UBE2E3: variants seen among roughly 807,000 people sequenced by gnomAD.
UBE2E3 encodes the protein ubiquitin conjugating enzyme E2 E3.
In UBE2E3, 5 loss-of-function variants were observed where a neutral mutation model predicts 23.6. That is an observed-to-expected ratio of 0.21 (90% CI 0.11 to 0.44). The LOEUF is 0.44. UBE2E3 is among the 20% of genes least tolerant of loss of function. The pLI, the probability that UBE2E3 is intolerant of heterozygous loss-of-function variation, is 0.99. For synonymous variants in UBE2E3, 78 were observed against 87.5 expected (o/e 0.89, Z 0.60); for missense variants, 81 against 249.8 (o/e 0.32, Z 4.55).
At chr2:181,012,311 T>C (rs1355528243) in intron 3 of UBE2E3, among the ~76,000 whole-genome samples, 2 of 152,244 alleles carry the variant, frequency 1.3e-5, no homozygotes, top group African/African-American at 2.4e-5. Context: ...TTTTGTCTTA[T>C]GCAGTTGACA....
intron 3 of UBE2E3, among the ~76,000 whole-genome samples, chr2:181,048,237 A>G (rs1328622230): frequency 1.3e-5 from 2 of 152,044 alleles, no homozygotes; most frequent in Non-Finnish European, 2.9e-5. Context: ...TTGTGAGTTT[A>G]TTTGATTAAG....
chr2:181,019,647 A>G (rs920907411), intron 3 of UBE2E3, among the ~76,000 whole-genome samples: 1 of 152,154 alleles, frequency 6.6e-6, no homozygotes, highest in Non-Finnish European at 1.5e-5. Context: ...TCTACTTACT[A>G]TTAGTTTTTT....
chr2:181,060,617 G>A (rs756378490), intron 4 of UBE2E3, 48 bp from the exon 5 acceptor site: 132 of 1,507,578 alleles, frequency 8.8e-5, no homozygotes, highest in Non-Finnish European at 1.1e-4. Flanking sequence ...GTTTTAATTG[G>A]TAATACAGCA....
chr2:181,034,005 A>G (rs1018715638), intron 3 of UBE2E3, among the ~76,000 whole-genome samples: 79 of 152,320 alleles, frequency 5.2e-4, no homozygotes, highest in African/African-American at 1.7e-3. Flanking sequence ...TAGAATGGCA[A>G]TCATTAAAAA....
chr2:180,992,656 T>A (rs1559113514), intron 3 of UBE2E3, among the ~76,000 whole-genome samples: 1 of 151,662 alleles, frequency 6.6e-6, no homozygotes. Context: ...CCACCATGCC[T>A]GACTAACTTT....
intron 3 of UBE2E3, among the ~76,000 whole-genome samples, chr2:181,005,703 G>A (rs376453896): frequency 1.3e-5 from 2 of 151,928 alleles, no homozygotes; most frequent in East Asian, 1.9e-4. Flanking sequence ...AATTTGTTAC[G>A]GTTATATAGT....
chr2:181,001,565 A>T (rs1447982386), intron 3 of UBE2E3, among the ~76,000 whole-genome samples: 1 of 152,200 alleles, frequency 6.6e-6, no homozygotes, highest in African/African-American at 2.4e-5. Context: ...AAGAGAAGGA[A>T]TAGGCAGAAA....
chr2:181,016,070 T>A (rs1291993234), intron 3 of UBE2E3, among the ~76,000 whole-genome samples: 2 of 133,866 alleles, frequency 1.5e-5, no homozygotes, highest in African/African-American at 5.3e-5. Context: ...AATAACCACA[T>A]GCTACTTCTG....
At chr2:181,012,300 AT>A (rs1268864039) in intron 3 of UBE2E3, among the ~76,000 whole-genome samples, 2 of 152,168 alleles carry the variant, frequency 1.3e-5, no homozygotes, top group Non-Finnish European at 2.9e-5. Context: ...TGAAGCAAAT[AT>A]TTTGTCTTAT....
intron 3 of UBE2E3, among the ~76,000 whole-genome samples, chr2:180,991,979 AG>A (rs1684671742): frequency 6.6e-6 from 1 of 152,236 alleles, no homozygotes; most frequent in Non-Finnish European, 1.5e-5. Context: ...CTGCACAGAT[AG>A]GTAGGGACTG....
intron 3 of UBE2E3, among the ~76,000 whole-genome samples, chr2:181,018,598 GTTT>G (rs4018770): frequency 1.2e-4 from 16 of 129,004 alleles, no homozygotes; most frequent in African/African-American, 3.5e-4. Flanking sequence ...CAATTTCTGT[GTTT>G]TTTTTTTTTT....
chr2:180,981,937 T>TA lies in UBE2E3; in HGVS notation c.-25-80dup, dbSNP rs1684307843. 5 of 1,057,128 alleles carry TA rather than the reference T, an allele frequency of 4.7e-6. No individual in the cohort carries two copies. The South Asian group carries it at 8.1e-5, about 17-fold the overall frequency. The allele number at this position is 1,057,128 out of a possible 1,614,324, so 65.5% of individuals were successfully genotyped here. A position where few individuals can be genotyped will look rare whatever the true frequency, so the allele number is the denominator to read the frequency against. On this transcript the variant is annotated intron_variant, in intron 1 of 5. Coordinates refer to ENST00000410062, the MANE Select transcript of UBE2E3 (RefSeq NM_006357.4). Reference sequence around the variant, plus strand: ...AAGCTTTTTCATTACAAGACGATTTTAGATGACTAGAAGAAAATGCTGTTG... The same window carrying TA: ...AAGCTTTTTCATTACAAGACGATTTTAAGATGACTAGAAGAAAATGCTGTTG...
chr2:181,008,050 A>C (rs956655414), intron 3 of UBE2E3, among the ~76,000 whole-genome samples: 7 of 152,196 alleles, frequency 4.6e-5, no homozygotes, highest in Non-Finnish European at 7.3e-5. Flanking sequence ...TGGCTTTTAA[A>C]AAAGTAGGAC....
intron 3 of UBE2E3, among the ~76,000 whole-genome samples, chr2:180,993,384 T>C (rs1684728761): frequency 6.6e-6 from 1 of 152,238 alleles, no homozygotes; most frequent in Non-Finnish European, 1.5e-5. Flanking sequence ...AAAGTTTTTT[T>C]GCTGCTTTAG....
chr2:180,999,595 T>C lies in UBE2E3; in HGVS notation c.245+15502T>C, dbSNP rs75293017. Among the ~76,000 whole-genome samples the C allele has an allele frequency of 7.2e-3, 1,087 of 151,804 alleles. 11 individuals are homozygous for C. The highest frequency in any genetic ancestry group is 0.048 in the Middle Eastern group (14 of 294). ...TTTGTCCACATCCTTGCCATACTTA[T>C]TTTTTGTTTTTTTTCATTATAGGCA... On this transcript the variant is annotated intron_variant, in intron 3 of 5. Transcript: ENST00000410062.
intron 3 of UBE2E3, among the ~76,000 whole-genome samples, chr2:181,032,791 C>T (rs1279679481): frequency 6.6e-6 from 1 of 152,166 alleles, no homozygotes; most frequent in Non-Finnish European, 1.5e-5. Flanking sequence ...CAAACACTGT[C>T]TCAGCCCAAA....
At position 181,034,447 on chromosome 2, in the gene UBE2E3, G is replaced by T. The variant is rs184144575; in HGVS notation, c.246-23246G>T. ...CAAGAACAGAAAACCAAACACCACA[G>T]GTTCTCACTCATAGGTGGGAATTGA... On this transcript the variant is annotated intron_variant, in intron 3 of 5. Transcript: ENST00000410062. 1.6e-3 allele frequency among the ~76,000 whole-genome samples: 237 copies of T among 152,170 alleles called. 1 individual carries two copies. Among genetic ancestry groups the T allele is most frequent in the Non-Finnish European group, 1.3e-3 (89 of 68,000 alleles).
intron 3 of UBE2E3, among the ~76,000 whole-genome samples, chr2:181,047,279 T>C (rs889511863): frequency 3.9e-5 from 6 of 152,276 alleles, no homozygotes; most frequent in Non-Finnish European, 5.9e-5. Flanking sequence ...TTAGGTGTGG[T>C]GGTCTCATCT....
chr2:181,016,579 T>G (rs914840914), intron 3 of UBE2E3, among the ~76,000 whole-genome samples: 11 of 152,192 alleles, frequency 7.2e-5, no homozygotes, highest in African/African-American at 2.7e-4. Context: ...TTACCTGGCT[T>G]ATAAGTAATG....
Sources: allele counts gnomAD v4.1 joint callset (sites outside exome capture counted in the v4.1 genomes callset), GRCh38; gene constraint gnomAD v4.1.1; transcripts MANE v1.5; gene names NCBI Gene and HGNC (gene_info 2026-07-23, HGNC 2026-07-21).